Variants in FBXO40 observed in about 807,000 individuals in gnomAD.
The protein encoded by FBXO40 is F-box only protein 40.
A neutral mutation model predicts 49.9 loss-of-function variants in FBXO40; 50 were observed. The ratio of observed to expected loss-of-function variants is 1.00; its 90% CI spans 0.80 to 1.27. The LOEUF is 1.27. FBXO40 is among the 50% of genes most tolerant of loss of function. The pLI is 0.00. For missense variants in FBXO40, 895 were observed against 870.1 expected (o/e 1.03, Z -0.36); for synonymous variants, 340 against 320.2 (o/e 1.06, Z -0.66).
At chr3:121,609,902 A>G (rs888620829) in intron 1 of FBXO40, among the ~76,000 whole-genome samples, 2 of 152,216 alleles carry the variant, frequency 1.3e-5, no homozygotes, top group Non-Finnish European at 2.9e-5. Flanking sequence ...TTGAATAAGA[A>G]ATTAATAATC....
chr3:121,608,417 T>A (rs1035345933), intron 1 of FBXO40, among the ~76,000 whole-genome samples: 3 of 152,222 alleles, frequency 2.0e-5, no homozygotes, highest in Non-Finnish European at 4.4e-5. Context: ...AGCTTCCATC[T>A]GTAAACCATT....
Position 121,622,859 on chromosome 3 carries a change from T to C in FBXO40, c.1430T>C (p.Phe477Ser). 6.2e-7 allele frequency: 1 copy of C among 1,614,186 alleles called. No homozygotes were observed. The highest frequency in any genetic ancestry group is 8.5e-7 in the Non-Finnish European group (1 of 1,180,026). ...AACAAAAGCAGCTCTGCCTTCACTT[T>C]CACTTGCAACAAATTCTTCAGGAGG... ...RHNKSSSAFT[F>S]TCNKFFRRDE... Residue 477 changes from phenylalanine to serine, a missense_variant, in exon 3 of 4, where the codon TTC becomes TCC. Transcript: ENST00000338040.
Position 121,620,088 on chromosome 3 carries a change from C to T in FBXO40, c.-30-458C>T, listed in dbSNP as rs376820089. 4.6e-5 allele frequency among the ~76,000 whole-genome samples: 7 copies of T among 152,284 alleles called. No homozygotes were observed. In the East Asian group the frequency reaches 1.2e-3, roughly 25 times the overall value. ...TATTTCACAGACACCTATACACTGCCCCAGACAAAGTTAGATCTCAGACTA... is the reference window on the plus strand; with the variant it reads ...TATTTCACAGACACCTATACACTGCTCCAGACAAAGTTAGATCTCAGACTA... On this transcript the variant is annotated intron_variant, in intron 1 of 3. Transcript: ENST00000338040.
chr3:121,612,000 A>G lies in FBXO40; in HGVS notation c.-30-8546A>G, dbSNP rs968546088. 2.0e-5 allele frequency among the ~76,000 whole-genome samples: 3 copies of G among 152,324 alleles called. No individual in the cohort carries two copies. In the East Asian group the frequency reaches 5.8e-4, roughly 29 times the overall value. ...CTACAAATTAACAACATCTCAGCAA[A>G]GCAATTGTTTAAAGTACAGGTCTTT... On this transcript the variant is annotated intron_variant, in intron 1 of 3. Transcript: ENST00000338040.
intron 1 of FBXO40, among the ~76,000 whole-genome samples, chr3:121,604,937 T>G (rs1370239910): frequency 4.2e-3 from 30 of 7,104 alleles, no homozygotes; most frequent in Admixed American, 0.011. Flanking sequence ...TGGCTGGCTT[T>G]ATTTATTTAT....
intron 1 of FBXO40, among the ~76,000 whole-genome samples, chr3:121,601,182 T>C (rs187555941): frequency 5.9e-5 from 9 of 152,290 alleles, no homozygotes; most frequent in Admixed American, 5.9e-4. Flanking sequence ...AGTTCCAGAT[T>C]GACCCTTATA....
rs903106868 is a variant in FBXO40 at position 121,621,748 on chromosome 3, T to C, written c.319T>C (p.Ser107Pro). 3.7e-6 allele frequency: 6 copies of C among 1,614,114 alleles called. No individual in the cohort carries two copies. In the Admixed American group the frequency reaches 5.0e-5, roughly 13 times the overall value. ...GTGGAACCGCTGGCCAAATGTGGAC[T>C]CTGAAACCACCCTTCATGAAAACAT... is the stretch of plus-strand genomic sequence containing the variant. ...MEWNRWPNVD[S>P]ETTLHENIMK... Residue 107 changes from serine (S) to proline (P), a missense_variant, in exon 3 of 4, where the codon TCT becomes CCT. Coordinates refer to ENST00000338040, the MANE Select transcript of FBXO40 (RefSeq NM_016298.4).
At chr3:121,606,080 G>A (rs2048930593) in intron 1 of FBXO40, among the ~76,000 whole-genome samples, 1 of 152,170 alleles carries the variant, frequency 6.6e-6, no homozygotes, top group Non-Finnish European at 1.5e-5. Flanking sequence ...CCCAGAGCTG[G>A]GACAGACTCA....
intron 1 of FBXO40, among the ~76,000 whole-genome samples, chr3:121,614,316 C>T (rs2048985009): frequency 6.7e-6 from 1 of 150,136 alleles, no homozygotes; most frequent in Non-Finnish European, 1.5e-5. Flanking sequence ...GTGGTGTGCA[C>T]CTGTAATCCT....
intron 1 of FBXO40, among the ~76,000 whole-genome samples, chr3:121,608,461 A>T (rs2048947143): frequency 6.6e-6 from 1 of 152,186 alleles, no homozygotes; most frequent in South Asian, 2.1e-4. Flanking sequence ...TCATCTCTTA[A>T]GTTTGGCCTG....
In FBXO40 at chr3:121,629,428, A is replaced by G. The variant is rs1002734555; in HGVS notation, c.*2518A>G. On this transcript the variant is annotated 3_prime_UTR_variant, in exon 4 of 4. Coordinates refer to ENST00000338040, the MANE Select transcript of FBXO40 (RefSeq NM_016298.4). ...ACGTGTTTTGAATCTAGTCCTTCCT[A>G]CATGGAGGATAAAAGCTCCTAAAGT... 10 of 152,366 alleles carry G rather than the reference A, an allele frequency of 6.6e-5. No individual in the cohort carries two copies. The highest frequency in any genetic ancestry group is 2.0e-4 in the Admixed American group (3 of 15,304). 9.4% of individuals were successfully genotyped at this position (152,366 alleles called of 1,614,324 possible). A position where few individuals can be genotyped will look rare whatever the true frequency, so the allele number is the denominator to read the frequency against.
At chr3:121,600,254 G>C (rs1288378258) in intron 1 of FBXO40, among the ~76,000 whole-genome samples, 3 of 135,126 alleles carry the variant, frequency 2.2e-5, no homozygotes, top group Non-Finnish European at 4.6e-5. Flanking sequence ...TGCCCAGGCT[G>C]ATCTCAATCT....
chr3:121,611,330 G>T (rs113180859), intron 1 of FBXO40, among the ~76,000 whole-genome samples: 8,761 of 152,208 alleles, frequency 0.058, 466 homozygotes, highest in African/African-American at 0.14. Flanking sequence ...GTAGTAGGAG[G>T]GCAAGGTGAT....
At chr3:121,605,848 C>G (rs1419292434) in intron 1 of FBXO40, among the ~76,000 whole-genome samples, 1 of 152,148 alleles carries the variant, frequency 6.6e-6, no homozygotes, top group African/African-American at 2.4e-5. Flanking sequence ...CTAAGCATGT[C>G]CCTGTGTGGG....
chr3:121,621,674 C>T lies in FBXO40; in HGVS notation c.245C>T (p.Ala82Val). The T allele has an allele frequency of 1.9e-6, 3 of 1,614,222 alleles. No homozygotes were observed. The highest frequency in any genetic ancestry group is 8.5e-7 in the Non-Finnish European group (1 of 1,180,022). Reference protein sequence around the residue: ...CPLSMSRHKLAKHLQVCPASV... With the variant: ...CPLSMSRHKLVKHLQVCPASV... ...CTGTCCATGTCCCGCCACAAACTGGCCAAGCACCTGCAGGTGTGCCCCGCC... is the reference window on the plus strand; with the variant it reads ...CTGTCCATGTCCCGCCACAAACTGGTCAAGCACCTGCAGGTGTGCCCCGCC... Residue 82 changes from alanine to valine, a missense_variant, in exon 3 of 4, where the codon GCC (alanine) becomes GTC (valine). Transcript: ENST00000338040.
At chr3:121,596,087 T>A (rs569577062) in intron 1 of FBXO40, among the ~76,000 whole-genome samples, 7 of 152,300 alleles carry the variant, frequency 4.6e-5, no homozygotes, top group African/African-American at 1.7e-4. Flanking sequence ...CCCATTCTCT[T>A]TTGCTTGAGT....
chr3:121,611,822 C>A (rs2048967387), intron 1 of FBXO40, among the ~76,000 whole-genome samples: 1 of 152,234 alleles, frequency 6.6e-6, no homozygotes. Flanking sequence ...TTTATTGAGA[C>A]TAGAGAATGG....
rs1345575037 is a variant in FBXO40 at position 121,628,423 on chromosome 3, A to G, written c.*1513A>G. 2 of 152,160 alleles carry G rather than the reference A, an allele frequency of 1.3e-5. No homozygotes were observed. The highest frequency in any genetic ancestry group is 4.8e-5 in the African/African-American group (2 of 41,408). The allele number at this position is 152,160 out of a possible 1,614,324, so 9.4% of individuals were successfully genotyped here. A position where few individuals can be genotyped will look rare whatever the true frequency, so the allele number is the denominator to read the frequency against. On this transcript the variant is annotated 3_prime_UTR_variant, in exon 4 of 4. Transcript: ENST00000338040. ...GTGACTCGCCCGCCTTGGCCTTCCAAAGTGCTGGGTTTACAGGTGTGAGCC... is the reference window on the plus strand; with the variant it reads ...GTGACTCGCCCGCCTTGGCCTTCCAGAGTGCTGGGTTTACAGGTGTGAGCC...
intron 1 of FBXO40, among the ~76,000 whole-genome samples, chr3:121,619,013 T>C (rs552262356): frequency 1.7e-4 from 26 of 151,818 alleles, no homozygotes; most frequent in Non-Finnish European, 2.8e-4. Flanking sequence ...TGTTTGTTTT[T>C]GAGACAGGGT....
Sources: allele counts gnomAD v4.1 joint callset (sites outside exome capture counted in the v4.1 genomes callset), GRCh38; gene constraint gnomAD v4.1.1; transcripts MANE v1.5; gene names NCBI Gene and HGNC (gene_info 2026-07-23, HGNC 2026-07-21).